The following LITAF variants were observed in gnomAD, a reference collection of about 807,000 sequenced individuals.
The protein encoded by LITAF is lipopolysaccharide induced TNF factor.
A neutral mutation model predicts 14.5 loss-of-function variants in LITAF; 9 were observed. The observed-to-expected ratio is 0.62, with a 90% CI of 0.37 to 1.08. The LOEUF is 1.08. LITAF is among the 50% of genes least tolerant of loss of function. LITAF has a pLI of 0.01. For synonymous variants in LITAF, 98 were observed against 88.2 expected (o/e 1.11, Z -0.62); for missense variants, 206 against 213.4 (o/e 0.97, Z 0.22).
chr16:11,612,278 G>C (rs888251828), intron 3 of LITAF, among the ~76,000 whole-genome samples: 1 of 152,252 alleles, frequency 6.6e-6, no homozygotes, highest in Admixed American at 6.5e-5. Context: ...TCATTTCCCA[G>C]CCCAGGGACT....
chr16:11,590,447 C>A, upstream of LITAF, among the ~76,000 whole-genome samples: 1 of 117,452 alleles, frequency 8.5e-6, no homozygotes, highest in East Asian at 2.9e-4. Context: ...AGTACCCTTA[C>A]AACCATTCTG....
intron 2 of LITAF, among the ~76,000 whole-genome samples, chr16:11,555,398 G>C (rs2064252531): frequency 6.6e-6 from 1 of 152,146 alleles, no homozygotes; most frequent in Non-Finnish European, 1.5e-5. Flanking sequence ...GACTCATGCT[G>C]ATAATTCTAA....
intron 3 of LITAF, among the ~76,000 whole-genome samples, chr16:11,552,698 T>C (rs962514138): frequency 6.6e-6 from 1 of 152,134 alleles, no homozygotes; most frequent in African/African-American, 2.4e-5. Flanking sequence ...AGGGATGACT[T>C]GGCCTCCCAG....
At chr16:11,630,411 C>T (rs1242550299) in intron 3 of LITAF, among the ~76,000 whole-genome samples, 1 of 152,136 alleles carries the variant, frequency 6.6e-6, no homozygotes, top group African/African-American at 2.4e-5. Context: ...CCCAGCCTCC[C>T]GCAGGCCCTG....
At chr16:11,630,570 C>CTTTT (rs66732953) in intron 3 of LITAF, among the ~76,000 whole-genome samples, 19 of 114,238 alleles carry the variant, frequency 1.7e-4, no homozygotes, top group African/African-American at 5.3e-4. Context: ...CCCTGGCCAA[C>CTTTT]TTTTTTTTTT....
chr16:11,603,276 C>T (rs573238052), upstream of LITAF, among the ~76,000 whole-genome samples: 115 of 152,246 alleles, frequency 7.6e-4, no homozygotes, highest in African/African-American at 2.5e-3. Flanking sequence ...AAATAAAGAC[C>T]TTTAACAATC....
At chr16:11,580,684 AC>A (rs1249492995) in intron 1 of LITAF, among the ~76,000 whole-genome samples, 3 of 152,198 alleles carry the variant, frequency 2.0e-5, no homozygotes, top group African/African-American at 7.2e-5. Flanking sequence ...TAACAAGGCA[AC>A]CTTTGTTCAC....
intron 3 of LITAF, among the ~76,000 whole-genome samples, chr16:11,616,177 A>G (rs2141885803): frequency 6.6e-6 from 1 of 152,186 alleles, no homozygotes; most frequent in African/African-American, 2.4e-5. Flanking sequence ...TATCTTTTAT[A>G]ATAAACTGGA....
chr16:11,631,838 A>ATTTTC (rs569880181), intron 3 of LITAF, among the ~76,000 whole-genome samples: 1 of 141,720 alleles, frequency 7.1e-6, no homozygotes, highest in Non-Finnish European at 1.5e-5. Flanking sequence ...CAAAGACCCT[A>ATTTTC]TTTTCTTTTC....
At chr16:11,562,532 A>G (rs1448617682) in intron 1 of LITAF, among the ~76,000 whole-genome samples, 1 of 152,078 alleles carries the variant, frequency 6.6e-6, no homozygotes, top group African/African-American at 2.4e-5. Context: ...TAAATATGCC[A>G]CTTGGGATAT....
At chr16:11,601,628 G>A (rs4462613), upstream of LITAF, among the ~76,000 whole-genome samples, 14,395 of 152,160 alleles carry the variant, frequency 0.095, 840 homozygotes, top group Admixed American at 0.12. Flanking sequence ...GGAGTGCGGT[G>A]GTGTGATCAC....
At chr16:11,581,449 C>T (rs953565488) in intron 1 of LITAF, among the ~76,000 whole-genome samples, 1 of 152,100 alleles carries the variant, frequency 6.6e-6, no homozygotes, top group African/African-American at 2.4e-5. Context: ...GAGTTTGAGA[C>T]CAGCCTGGGT....
At chr16:11,619,547 T>A (rs752898663) in intron 3 of LITAF, among the ~76,000 whole-genome samples, 8 of 152,056 alleles carry the variant, frequency 5.3e-5, no homozygotes, top group Admixed American at 2.6e-4. Context: ...ATTCTTGGCT[T>A]ATATTCTACT....
At position 11,586,400 on chromosome 16, in the gene LITAF, A is replaced by G. The variant is rs1456692935; in HGVS notation, c.-6+486T>C. On this transcript the variant is annotated intron_variant, in intron 1 of 3. Transcript: ENST00000622633. The surrounding 1 kb of genome is among the most constrained non-coding windows in gnomAD (Gnocchi z 6.5). ...CGGGTACCCGCGCCCCTAGAAGTCA[A>G]ATGTTTGGCAAATAGCATTTGGGAA... The G allele has an allele frequency of 6.6e-6, 1 of 152,022 alleles. No individual in the cohort carries two copies. The highest frequency in any genetic ancestry group is 1.5e-5 in the Non-Finnish European group (1 of 67,978). 9.4% of individuals were successfully genotyped at this position (152,022 alleles called of 1,614,324 possible).
chr16:11,612,974 C>A (rs2064992222), intron 3 of LITAF, among the ~76,000 whole-genome samples: 1 of 152,164 alleles, frequency 6.6e-6, no homozygotes, highest in Non-Finnish European at 1.5e-5. Context: ...CTGGGTGCCT[C>A]TTGATGGGCA....
At chr16:11,638,117 T>TATAGATAGATATATATAG (rs138178230), upstream of LITAF, among the ~76,000 whole-genome samples, 12 of 69,534 alleles carry the variant, frequency 1.7e-4, no homozygotes, top group Non-Finnish European at 2.4e-4. Flanking sequence ...TATCTATCTA[T>TATAGATAGATATATATAG]ATAGATAGAT....
chr16:11,575,543 A>C (rs1369382137), intron 1 of LITAF: 1 of 152,242 alleles, frequency 6.6e-6, no homozygotes, highest in Non-Finnish European at 1.5e-5. Flanking sequence ...TTCAAAAACC[A>C]GCAGTCCAAG....
intron 1 of LITAF, among the ~76,000 whole-genome samples, chr16:11,574,950 A>G (rs555202681): frequency 6.6e-6 from 1 of 152,016 alleles, no homozygotes; most frequent in African/African-American, 2.4e-5. Flanking sequence ...TTACAGGTGC[A>G]TGCCACCACG....
chr16:11,636,443 G>A (rs909664071), upstream of LITAF: 3 of 152,242 alleles, frequency 2.0e-5, no homozygotes, highest in Admixed American at 2.0e-4. Context: ...GATTTACATA[G>A]GGCATGAAGA....
Sources: gnomAD v4.1 joint callset for allele counts (sites outside exome capture counted in the v4.1 genomes callset) on GRCh38, gnomAD v4.1.1 for gene constraint, Gnocchi (gnomAD v3.1) non-coding constraint, MANE v1.5 for transcripts, NCBI Gene and HGNC (gene_info 2026-07-23, HGNC 2026-07-21) for gene names.